ADAT1: variants seen among roughly 807,000 people sequenced by gnomAD.
The protein encoded by ADAT1 is tRNA-specific adenosine deaminase 1.
In ADAT1, 58 loss-of-function variants were observed where a neutral mutation model predicts 58.6. The ratio of observed to expected loss-of-function variants is 0.99; its 90% CI spans 0.80 to 1.23. ADAT1 has a LOEUF of 1.23. ADAT1 is among the 50% of genes most tolerant of loss of function. ADAT1 has a pLI of 0.00. For synonymous variants in ADAT1, 254 were observed against 220.8 expected, an observed-to-expected ratio of 1.15 and a Z score of -1.33; for missense variants, 741 against 608.6, an observed-to-expected ratio of 1.22 and a Z score of -2.29.
intron 1 of ADAT1, among the ~76,000 whole-genome samples, chr16:75,621,876 T>TA (rs1180423056): frequency 6.6e-6 from 1 of 152,206 alleles, no homozygotes; most frequent in Non-Finnish European, 1.5e-5. Flanking sequence ...GAGCTTGTGA[T>TA]AGACATAGCT....
At chr16:75,610,151 G>A (rs757930616) in intron 6 of ADAT1, among the ~76,000 whole-genome samples, 19 of 152,244 alleles carry the variant, frequency 1.2e-4, no homozygotes, top group Non-Finnish European at 2.5e-4. Flanking sequence ...TACTTCAGTC[G>A]TTTTTATAGC....
In ADAT1 at chr16:75,604,482, C is replaced by T. The variant is rs796861331; in HGVS notation, c.1290-1311G>A. Among the ~76,000 whole-genome samples, 1,680 of 88,352 alleles carry T rather than the reference C, an allele frequency of 0.019. 94 individuals are homozygous for T. In the East Asian group the frequency reaches 0.26, roughly 14 times the overall value. The allele number at this position is 88,352 out of a possible 152,430, so 58.0% of individuals were successfully genotyped here. A position where few individuals can be genotyped will look rare whatever the true frequency, so the allele number is the denominator to read the frequency against. On this transcript the variant is annotated intron_variant, in intron 8 of 9. Transcript: ENST00000564657. ...ATATATATATATATATATACACACA[C>T]ACACACACACACACACACACACACA...
chr16:75,601,186 C>T (rs1686648683), intron 9 of ADAT1, among the ~76,000 whole-genome samples: 2 of 151,716 alleles, frequency 1.3e-5, no homozygotes, highest in African/African-American at 4.8e-5. Context: ...ACTAAAAATA[C>T]AAAATTAGCC....
chr16:75,621,292 T>C (rs1369256138), intron 1 of ADAT1, among the ~76,000 whole-genome samples: 1 of 151,766 alleles, frequency 6.6e-6, no homozygotes, highest in African/African-American at 2.4e-5. Context: ...TACAGCAGAG[T>C]GTTTCTCTAC....
intron 8 of ADAT1, among the ~76,000 whole-genome samples, chr16:75,605,230 A>G (rs1355260884): frequency 6.6e-6 from 1 of 152,078 alleles, no homozygotes; most frequent in Non-Finnish European, 1.5e-5. Context: ...AGCTGGGATT[A>G]CAGGCACGTA....
intron 8 of ADAT1, among the ~76,000 whole-genome samples, chr16:75,605,746 C>T (rs982129004): frequency 3.3e-5 from 5 of 151,276 alleles, no homozygotes; most frequent in Non-Finnish European, 7.4e-5. Flanking sequence ...GACCAGCCTG[C>T]CCAACATGGC....
At chr16:75,611,109 T>A (rs76398656) in intron 6 of ADAT1, among the ~76,000 whole-genome samples, 1,989 of 152,248 alleles carry the variant, frequency 0.013, 51 homozygotes, top group African/African-American at 0.044. Flanking sequence ...CAGTGAAACC[T>A]TGTCACTACA....
intron 8 of ADAT1, among the ~76,000 whole-genome samples, chr16:75,604,700 G>C (rs1343801880): frequency 6.6e-6 from 1 of 151,870 alleles, no homozygotes; most frequent in East Asian, 1.9e-4. Context: ...AATAGGACAA[G>C]GGGGACTTGC....
At chr16:75,613,200 G>A (rs918389465) in intron 5 of ADAT1, among the ~76,000 whole-genome samples, 2 of 152,192 alleles carry the variant, frequency 1.3e-5, no homozygotes, top group Admixed American at 6.5e-5. Context: ...AATTTCTGGA[G>A]AAGGGCATGC....
rs201670430 is a variant in ADAT1 at position 75,610,408 on chromosome 16, C to G, written c.1044-1420G>C. Among the ~76,000 whole-genome samples the G allele has an allele frequency of 5.9e-5, 9 of 152,166 alleles. No individual in the cohort carries two copies. In the East Asian group the frequency reaches 1.7e-3, roughly 29 times the overall value. ...CATCCCGTGGCTCTGGTGATCCTCC[C>G]ACATCAGCTCCCCATGCAGATGGGA... On this transcript the variant is annotated intron_variant, in intron 6 of 9. Coordinates refer to ENST00000564657, the MANE Select transcript of ADAT1 (RefSeq NM_001324445.2).
At chr16:75,621,471 C>A (rs1195578794) in intron 1 of ADAT1, among the ~76,000 whole-genome samples, 1 of 151,962 alleles carries the variant, frequency 6.6e-6, no homozygotes, top group African/African-American at 2.4e-5. Flanking sequence ...GGGTCTGTTT[C>A]CTCATCTGTC....
At position 75,600,133 on chromosome 16, in the gene ADAT1, T is replaced by C. The variant is rs1244917870; in HGVS notation, c.*83A>G. Reference sequence around the variant, plus strand: ...CAGAAAGAATGTTCCCTGATTTAACTACCAAAAAAGCTAAGACTTGTCCTG... The same window carrying C: ...CAGAAAGAATGTTCCCTGATTTAACCACCAAAAAAGCTAAGACTTGTCCTG... On this transcript the variant is annotated 3_prime_UTR_variant, in exon 10 of 10. Coordinates refer to ENST00000564657, the MANE Select transcript of ADAT1 (RefSeq NM_001324445.2). 3 of 1,565,698 alleles carry C rather than the reference T, an allele frequency of 1.9e-6. No individual in the cohort carries two copies. Among genetic ancestry groups the C allele is most frequent in the East Asian group, 4.5e-5 (2 of 44,316 alleles).
intron 1 of ADAT1, 80 bp from the exon 2 acceptor site, chr16:75,620,900 C>T (rs987556089): frequency 1.3e-5 from 17 of 1,260,832 alleles, no homozygotes; most frequent in East Asian, 1.2e-4. Context: ...ATCCATGCTT[C>T]GAGTCTTTCA....
chr16:75,600,051 T>A lies in ADAT1; in HGVS notation c.*165A>T. 6.8e-7 allele frequency: 1 copy of A among 1,477,638 alleles called. No homozygotes were observed. The allele number at this position is 1,477,638 out of a possible 1,614,324, so 91.5% of individuals were successfully genotyped here. On this transcript the variant is annotated 3_prime_UTR_variant, in exon 10 of 10. Coordinates refer to ENST00000564657, the MANE Select transcript of ADAT1 (RefSeq NM_001324445.2). ...TTAGCAGAGAGCTACTTCAATCAAG[T>A]ATAGCTTGCTCTAAGTTCCAGATTC... is the stretch of plus-strand genomic sequence containing the variant.
intron 3 of ADAT1, 112 bp from the exon 4 acceptor site, chr16:75,618,752 T>G: frequency 2.4e-6 from 3 of 1,237,550 alleles, no homozygotes; most frequent in Non-Finnish European, 3.4e-6. Context: ...ATGTAGCTCC[T>G]GGAGAGCTTT....
chr16:75,611,062 T>C (rs1178571198), intron 6 of ADAT1, among the ~76,000 whole-genome samples: 3 of 152,152 alleles, frequency 2.0e-5, no homozygotes, highest in Non-Finnish European at 4.4e-5. Flanking sequence ...TGTAGTAAAC[T>C]ATGATTGTAC....
At chr16:75,604,619 G>A (rs377532544) in intron 8 of ADAT1, among the ~76,000 whole-genome samples, 1 of 150,674 alleles carries the variant, frequency 6.6e-6, no homozygotes, top group Non-Finnish European at 1.5e-5. Context: ...ACTAGGACTC[G>A]GGAAGAGTAC....
At chr16:75,606,046 G>C (rs2081361591) in intron 8 of ADAT1, among the ~76,000 whole-genome samples, 1 of 92,860 alleles carries the variant, frequency 1.1e-5, no homozygotes, top group Non-Finnish European at 2.1e-5. Flanking sequence ...TTGTTTTTTA[G>C]AGATTGGGGG....
Position 75,597,604 on chromosome 16 carries a change from C to A in ADAT1, c.*2612G>T, listed in dbSNP as rs1198340674. On this transcript the variant is annotated 3_prime_UTR_variant, in exon 10 of 10. Coordinates refer to ENST00000564657, the MANE Select transcript of ADAT1 (RefSeq NM_001324445.2). ...GTGCACTGTATTTCTATTATTATTA[C>A]ATCGTAATACATGATGAAATAATTA... 6.6e-6 allele frequency among the ~76,000 whole-genome samples: 1 copy of A among 152,134 alleles called. No homozygotes were observed. Among genetic ancestry groups the A allele is most frequent in the Non-Finnish European group, 1.5e-5 (1 of 68,028 alleles).
Sources: gnomAD v4.1 joint callset for allele counts (sites outside exome capture counted in the v4.1 genomes callset) on GRCh38, gnomAD v4.1.1 for gene constraint, MANE v1.5 for transcripts, NCBI Gene and HGNC (gene_info 2026-07-23, HGNC 2026-07-21) for gene names.